CNTNAP2: variants seen among roughly 807,000 people sequenced by gnomAD.
CNTNAP2 encodes the protein contactin-associated protein-like 2.
Under a neutral mutation model 155.2 loss-of-function variants are expected in CNTNAP2, and 98 were observed. That is an observed-to-expected ratio of 0.63 (90% CI 0.54 to 0.75). The LOEUF is 0.75. Ranked by LOEUF, CNTNAP2 falls within the 30% of genes least tolerant of loss-of-function variation. The pLI is 0.00. For synonymous variants in CNTNAP2, 651 were observed against 631.2 expected (o/e 1.03, Z -0.47); for missense variants, 1,727 against 1,688.1 (o/e 1.02, Z -0.40).
intron 1 of CNTNAP2, among the ~76,000 whole-genome samples, chr7:146,547,899 T>G (rs2129142156): frequency 6.6e-6 from 1 of 151,970 alleles, no homozygotes; most frequent in Non-Finnish European, 1.5e-5. Flanking sequence ...TGCACCATTT[T>G]GCATTCCTAC....
At chr7:148,367,878 A>G (rs193118612) in intron 21 of CNTNAP2, among the ~76,000 whole-genome samples, 1,684 of 152,238 alleles carry the variant, frequency 0.011, 36 homozygotes, top group African/African-American at 0.038. Context: ...TGAAGTGTAG[A>G]TGGAAGTCCC....
At chr7:146,133,715 G>C (rs1207957819) in intron 1 of CNTNAP2, among the ~76,000 whole-genome samples, 1 of 152,168 alleles carries the variant, frequency 6.6e-6, no homozygotes, top group Non-Finnish European at 1.5e-5. Context: ...TCAAAGGTCA[G>C]ATAGTTGTAA....
chr7:147,239,514 A>C (rs879928818), intron 8 of CNTNAP2, among the ~76,000 whole-genome samples: 9 of 151,334 alleles, frequency 5.9e-5, no homozygotes, highest in Non-Finnish European at 1.2e-4. Context: ...CGTTTCCAAA[A>C]AAAAAAAAAA....
intron 13 of CNTNAP2, among the ~76,000 whole-genome samples, chr7:147,744,816 C>T (rs1025942831): frequency 6.6e-6 from 1 of 152,142 alleles, no homozygotes; most frequent in Non-Finnish European, 1.5e-5. Flanking sequence ...TATCAGGGAG[C>T]ATGCCCCACC....
chr7:148,410,730 A>G (rs1230772285), intron 23 of CNTNAP2, among the ~76,000 whole-genome samples: 1 of 152,194 alleles, frequency 6.6e-6, no homozygotes, highest in Non-Finnish European at 1.5e-5. Flanking sequence ...AGGAGCTAAA[A>G]GATTTACACA....
intron 8 of CNTNAP2, among the ~76,000 whole-genome samples, chr7:147,287,072 G>T (rs1018262225): frequency 6.6e-6 from 1 of 152,112 alleles, no homozygotes; most frequent in Admixed American, 6.6e-5. Context: ...TGGGTATGGG[G>T]ACCACAGCAA....
intron 8 of CNTNAP2, among the ~76,000 whole-genome samples, chr7:147,194,125 C>T (rs762808447): frequency 2.0e-5 from 3 of 151,760 alleles, no homozygotes; most frequent in Admixed American, 1.3e-4. Context: ...TGTTCCCCTC[C>T]GTGTGTCCAT....
chr7:147,924,923 C>T (rs1800357644), intron 14 of CNTNAP2, among the ~76,000 whole-genome samples: 1 of 151,922 alleles, frequency 6.6e-6, no homozygotes, highest in Non-Finnish European at 1.5e-5. Flanking sequence ...CAAGACCATC[C>T]TGGCTAACAC....
At chr7:147,539,972 A>G (rs1047269746) in intron 11 of CNTNAP2, among the ~76,000 whole-genome samples, 2 of 152,136 alleles carry the variant, frequency 1.3e-5, no homozygotes, top group African/African-American at 4.8e-5. Flanking sequence ...ATAAAATTTG[A>G]TCCTCTCTAT....
chr7:146,890,545 A>T (rs1795754027), intron 3 of CNTNAP2, among the ~76,000 whole-genome samples: 1 of 152,206 alleles, frequency 6.6e-6, no homozygotes, highest in Non-Finnish European at 1.5e-5. Context: ...AACAAACCAC[A>T]TCTGTTGAGT....
intron 4 of CNTNAP2, among the ~76,000 whole-genome samples, chr7:147,078,194 A>G (rs899777202): frequency 5.9e-5 from 9 of 152,250 alleles, no homozygotes; most frequent in Admixed American, 2.0e-4. Context: ...CCTTGAAAGA[A>G]TTACATGTAT....
At chr7:147,698,597 C>G (rs1176953974) in intron 13 of CNTNAP2, among the ~76,000 whole-genome samples, 1 of 152,132 alleles carries the variant, frequency 6.6e-6, no homozygotes, top group Non-Finnish European at 1.5e-5. Flanking sequence ...TGGTCTTGCT[C>G]TATTGTCAAG....
At chr7:147,015,723 A>T (rs969466799) in intron 3 of CNTNAP2, among the ~76,000 whole-genome samples, 18 of 151,748 alleles carry the variant, frequency 1.2e-4, no homozygotes, top group Non-Finnish European at 2.1e-4. Flanking sequence ...TAAGAAGGGT[A>T]AAAACACACC....
At chr7:148,063,620 C>T (rs777453241) in intron 15 of CNTNAP2, among the ~76,000 whole-genome samples, 1 of 150,322 alleles carries the variant, frequency 6.7e-6, no homozygotes, top group African/African-American at 2.4e-5. Context: ...TTTTGGGGAA[C>T]AGGTAGTGTT....
intron 8 of CNTNAP2, among the ~76,000 whole-genome samples, chr7:147,176,734 A>AGAATTATATATTATATATAATG (rs1802349571): frequency 1.6e-5 from 2 of 126,920 alleles, no homozygotes; most frequent in Admixed American, 9.1e-5. Context: ...TATATATAAT[A>AGAATTATATATTATATATAATG]GAATTATAAT....
At chr7:147,341,285 T>C (rs936410016) in intron 9 of CNTNAP2, among the ~76,000 whole-genome samples, 1 of 151,812 alleles carries the variant, frequency 6.6e-6, no homozygotes, top group African/African-American at 2.4e-5. Flanking sequence ...CCGGGGCCTG[T>C]CGGTCGGTGG....
Position 147,633,832 on chromosome 7 carries a change from G to A in CNTNAP2, c.1898-5274G>A, listed in dbSNP as rs1028336582. ...CCTCCCCAGCAATGTGGAAATGTGAGTCAATTAAACTTCTTTCCTTCATAA... is the reference window on the plus strand; with the variant it reads ...CCTCCCCAGCAATGTGGAAATGTGAATCAATTAAACTTCTTTCCTTCATAA... On this transcript the variant is annotated intron_variant, in intron 12 of 23. Coordinates refer to ENST00000361727, the MANE Select transcript of CNTNAP2 (RefSeq NM_014141.6). 2.0e-5 allele frequency among the ~76,000 whole-genome samples: 3 copies of A among 152,132 alleles called. No individual in the cohort carries two copies. In the East Asian group the frequency reaches 5.8e-4, roughly 29 times the overall value.
chr7:147,016,557 G>GCA (rs1176104070), intron 3 of CNTNAP2, among the ~76,000 whole-genome samples: 1 of 151,988 alleles, frequency 6.6e-6, no homozygotes. Flanking sequence ...TGAGTGAGTT[G>GCA]CAAACTCTTG....
intron 12 of CNTNAP2, among the ~76,000 whole-genome samples, chr7:147,616,911 G>T (rs556900296): frequency 1.3e-5 from 2 of 152,014 alleles, no homozygotes; most frequent in South Asian, 4.1e-4. Context: ...TGAGTTTGAA[G>T]AAATGATTTT....
Sources: allele counts gnomAD v4.1 joint callset (sites outside exome capture counted in the v4.1 genomes callset), GRCh38; gene constraint gnomAD v4.1.1; transcripts MANE v1.5; gene names NCBI Gene and HGNC (gene_info 2026-07-23, HGNC 2026-07-21).